The following GSPT1 variants were observed in gnomAD, a reference collection of about 807,000 sequenced individuals.
GSPT1 encodes the protein G1 to S phase transition 1.
Under a neutral mutation model 72.5 loss-of-function variants are expected in GSPT1, and 20 were observed. The ratio of observed to expected loss-of-function variants is 0.28; its 90% CI spans 0.19 to 0.40. The LOEUF is 0.40. Ranked by LOEUF, GSPT1 falls within the 10% of genes least tolerant of loss-of-function variation. The pLI, the probability that GSPT1 is intolerant of heterozygous loss-of-function variation, is 1.00. For synonymous variants in GSPT1, 334 were observed against 293.5 expected, an observed-to-expected ratio of 1.14 and a Z score of -1.41; for missense variants, 580 against 811.9, an observed-to-expected ratio of 0.71 and a Z score of 3.47.
chr16:11,883,285 C>A (rs1365759005), intron 10 of GSPT1, among the ~76,000 whole-genome samples, 190 bp from the exon 11 acceptor site: 1 of 151,840 alleles, frequency 6.6e-6, no homozygotes, highest in African/African-American at 2.4e-5. Context: ...TATGTATGAT[C>A]ATATTAATAA....
chr16:11,872,379 G>T lies in GSPT1; in HGVS notation c.*740C>A. The T allele has an allele frequency of 7.0e-6, 1 of 142,682 alleles. No homozygotes were observed. 8.8% of individuals were successfully genotyped at this position (142,682 alleles called of 1,614,324 possible). ...AAGAAATCATGTTACAATATAAATT[G>T]GCAAAAAAAAAAAAAATAAATAAAT... On this transcript the variant is annotated 3_prime_UTR_variant, in exon 15 of 15. Coordinates refer to ENST00000434724, the MANE Select transcript of GSPT1 (RefSeq NM_002094.4).
intron 10 of GSPT1, among the ~76,000 whole-genome samples, chr16:11,884,689 G>C (rs1490737788): frequency 1.3e-5 from 2 of 148,918 alleles, no homozygotes; most frequent in Non-Finnish European, 3.0e-5. Context: ...TCTTGAACCT[G>C]GGAGGCAGAG....
In GSPT1 at chr16:11,876,097, C is replaced by T; in HGVS notation, c.1681G>A (p.Val561Met). 6.3e-7 allele frequency: 1 copy of T among 1,596,102 alleles called. No individual in the cohort carries two copies. Among genetic ancestry groups the T allele is most frequent in the Non-Finnish European group, 8.6e-7 (1 of 1,163,762 alleles). ...VLHIHTCIEE[V>M]EITALICLVD... The stretch of plus-strand genomic sequence containing the variant: ...TATCTTAAACTCACTGTTATTTCCA[C>T]CTCCTCAATACAGGTATGAATATGC... Residue 561 changes from valine (V) to methionine (M), a missense_variant, in exon 13 of 15, where the codon GTG becomes ATG. Physicochemically the swap from Val to Met is conservative, Grantham distance 21 (BLOSUM62 1). Around this residue, in one of 6 missense-constraint regions of GSPT1, gnomAD observed 120 missense variants for 242.5 expected, o/e 0.49. Coordinates refer to ENST00000434724, the MANE Select transcript of GSPT1 (RefSeq NM_002094.4).
chr16:11,898,072 C>A (rs1485197380), intron 1 of GSPT1, 37 bp from the exon 2 acceptor site: 2 of 1,325,962 alleles, frequency 1.5e-6, no homozygotes, highest in Non-Finnish European at 1.1e-6. Context: ...AAAATTGATA[C>A]TTATCCATCC....
At chr16:11,886,409 A>ATAAG (rs1190155497) in intron 9 of GSPT1, 62 bp downstream of exon 9, 3 of 1,103,230 alleles carry the variant, frequency 2.7e-6, no homozygotes, top group Non-Finnish European at 4.0e-6. Flanking sequence ...ATATGTCTTT[A>ATAAG]TAAGTAATTT....
At chr16:11,873,622 C>A (rs2054003633) in intron 14 of GSPT1, among the ~76,000 whole-genome samples, 1 of 151,788 alleles carries the variant, frequency 6.6e-6, no homozygotes, top group Non-Finnish European at 1.5e-5. Flanking sequence ...GAGTCTTACT[C>A]TGTCACCCAG....
intron 1 of GSPT1, among the ~76,000 whole-genome samples, chr16:11,913,863 A>C (rs1245965592): frequency 1.3e-5 from 2 of 152,198 alleles, no homozygotes; most frequent in East Asian, 3.8e-4. Flanking sequence ...TCAAAAGAAA[A>C]CATCAACCAC....
chr16:11,906,325 A>C (rs774454715), intron 1 of GSPT1, among the ~76,000 whole-genome samples: 2 of 152,166 alleles, frequency 1.3e-5, no homozygotes, highest in Non-Finnish European at 1.5e-5. Context: ...GGGGTTAGGG[A>C]AACACTACAC....
At chr16:11,873,829 T>G (rs530824536) in intron 14 of GSPT1, among the ~76,000 whole-genome samples, 2 of 152,150 alleles carry the variant, frequency 1.3e-5, no homozygotes, top group African/African-American at 4.8e-5. Flanking sequence ...CCTCAGGTGA[T>G]CCGCCTGCCT....
chr16:11,893,516 A>T (rs1230444407), intron 5 of GSPT1, among the ~76,000 whole-genome samples: 1 of 152,130 alleles, frequency 6.6e-6, no homozygotes, highest in East Asian at 1.9e-4. Flanking sequence ...TAGGCAAGTA[A>T]GTCTTATTAC....
rs3031121 is a variant in GSPT1, at chr16:11,915,673, CCCGCCG to C, written c.42_47del (p.Gly15_Gly16del). 4.0e-4 allele frequency: 592 copies of C among 1,471,080 alleles called. 1 individual carries two copies. The Middle Eastern group carries it at 4.2e-3, about 11-fold the overall frequency. 91.1% of individuals were successfully genotyped at this position (1,471,080 alleles called of 1,614,324 possible). A position where few individuals can be genotyped will look rare whatever the true frequency, so the allele number is the denominator to read the frequency against. On this transcript the variant is annotated inframe_deletion, in exon 1 of 15. Coordinates refer to ENST00000434724, the MANE Select transcript of GSPT1 (RefSeq NM_002094.4). Reference sequence around the variant, plus strand: ...CGCTGCTGCTGCTGCCGCTGCTGCTCCCGCCGCCGCCGCCGCCGCCGCCGCCGCCGC... The same window carrying C: ...CGCTGCTGCTGCTGCCGCTGCTGCTCCCGCCGCCGCCGCCGCCGCCGCCGC...
chr16:11,901,727 G>A (rs2054408940), intron 1 of GSPT1, among the ~76,000 whole-genome samples: 1 of 151,850 alleles, frequency 6.6e-6, no homozygotes, highest in African/African-American at 2.4e-5. Context: ...AGGTAGCAGA[G>A]GTCGCAGTGA....
chr16:11,915,612 C>T lies in GSPT1; in HGVS notation c.109G>A (p.Glu37Lys). The T allele has an allele frequency of 6.7e-7, 1 of 1,491,334 alleles. No individual in the cohort carries two copies. The highest frequency in any genetic ancestry group is 1.3e-5 in the South Asian group (1 of 78,512). The allele number at this position is 1,491,334 out of a possible 1,614,324, so 92.4% of individuals were successfully genotyped here. A position where few individuals can be genotyped will look rare whatever the true frequency, so the allele number is the denominator to read the frequency against. The change falls in exon 1 of 15, where the codon GAA (glutamate) becomes AAA (lysine). Residue 37 changes from glutamate (E) to lysine (K), a missense_variant. By Grantham distance (56) the Glu-to-Lys change is moderately conservative. This residue lies in a region of GSPT1 where 327 missense variants were observed against 298.8 expected (regional missense o/e 1.09). Coordinates refer to ENST00000434724, the MANE Select transcript of GSPT1 (RefSeq NM_002094.4). Reference sequence around the variant, plus strand: ...CCGCAAGGGCCCGGCCCGGGGGCTTCCATGTCCGCCTGGTCCCAGCAGTCA... The same window carrying T: ...CCGCAAGGGCCCGGCCCGGGGGCTTTCATGTCCGCCTGGTCCCAGCAGTCA... The part of the protein sequence containing the change: ...APDCWDQADM[E>K]APGPGPCGGG...
At chr16:11,891,212 A>G (rs2054254124) in intron 5 of GSPT1, 73 bp from the exon 6 acceptor site, 1 of 720,472 alleles carries the variant, frequency 1.4e-6, no homozygotes, top group Non-Finnish European at 2.2e-6. Context: ...GAAAACGTGA[A>G]AATTGTCGAA....
chr16:11,886,367 G>A lies in GSPT1; in HGVS notation c.1253+104C>T. 5.8e-6 allele frequency: 4 copies of A among 687,210 alleles called. No individual in the cohort carries two copies. In the South Asian group the frequency reaches 9.1e-5, roughly 16 times the overall value. The allele number at this position is 687,210 out of a possible 1,614,324, so 42.6% of individuals were successfully genotyped here. ...TCTTAAATTACTTATAAAGATATAT[G>A]CTCAAAAGCATATGTTAACATGTTA... On this transcript the variant is annotated intron_variant, in intron 9 of 14. Coordinates refer to ENST00000434724, the MANE Select transcript of GSPT1 (RefSeq NM_002094.4).
At chr16:11,900,871 T>C (rs1364495790) in intron 1 of GSPT1, among the ~76,000 whole-genome samples, 1 of 152,042 alleles carries the variant, frequency 6.6e-6, no homozygotes, top group Non-Finnish European at 1.5e-5. Context: ...GGATTGTAAG[T>C]TGCAAATGGG....
chr16:11,905,312 T>C (rs184163605), intron 1 of GSPT1, among the ~76,000 whole-genome samples: 8 of 152,326 alleles, frequency 5.3e-5, no homozygotes, highest in Middle Eastern at 3.4e-3. Flanking sequence ...AACATGGCTA[T>C]TATGACTGAG....
chr16:11,911,888 A>T (rs190461), intron 1 of GSPT1, among the ~76,000 whole-genome samples: 3 of 75,848 alleles, frequency 4.0e-5, no homozygotes, highest in Admixed American at 1.9e-4. Context: ...TTTTTTGTGG[A>T]GACAGGGTCT....
At chr16:11,889,329 CTTTTTTT>C (rs902991145) in intron 6 of GSPT1, among the ~76,000 whole-genome samples, 84 of 60,064 alleles carry the variant, frequency 1.4e-3, no homozygotes, top group Non-Finnish European at 2.1e-3. Context: ...CCCTCTTCTT[CTTTTTTT>C]TTTTTTTTTT....
Sources: allele counts gnomAD v4.1 joint callset (sites outside exome capture counted in the v4.1 genomes callset), GRCh38; gene constraint gnomAD v4.1.1; regional missense constraint gnomAD v4.1.1; transcripts MANE v1.5; gene names NCBI Gene and HGNC (gene_info 2026-07-23, HGNC 2026-07-21).